The following RORA variants were observed in gnomAD, a reference collection of about 807,000 sequenced individuals.
RORA encodes RAR related orphan receptor A.
Under a neutral mutation model 69.5 loss-of-function variants are expected in RORA, and 7 were observed. The ratio of observed to expected loss-of-function variants is 0.10; its 90% CI spans 0.06 to 0.19. The LOEUF (loss-of-function observed/expected upper bound fraction) is 0.19. RORA is among the 10% of genes least tolerant of loss of function. The pLI, the probability that RORA is intolerant of heterozygous loss-of-function variation, is 1.00. For synonymous variants in RORA, 261 were observed against 240.8 expected (o/e 1.08, Z -0.78); for missense variants, 457 against 663.0 (o/e 0.69, Z 3.41).
At chr15:60,903,246 C>T (rs1254044137) in intron 1 of RORA, among the ~76,000 whole-genome samples, 1 of 152,136 alleles carries the variant, frequency 6.6e-6, no homozygotes, top group Non-Finnish European at 1.5e-5. Context: ...AGGAGAGAGG[C>T]TAATGGCACA....
At chr15:60,712,016 A>AT (rs1450326995) in intron 1 of RORA, among the ~76,000 whole-genome samples, 1 of 152,180 alleles carries the variant, frequency 6.6e-6, no homozygotes, top group Non-Finnish European at 1.5e-5. Context: ...TAATACACAG[A>AT]TTTTTTTAAA....
intron 1 of RORA, among the ~76,000 whole-genome samples, chr15:60,981,274 G>A (rs1566932683): frequency 6.6e-6 from 1 of 152,002 alleles, no homozygotes; most frequent in Non-Finnish European, 1.5e-5. Flanking sequence ...TGATTATGAT[G>A]TATCTCAGTG....
At chr15:60,951,542 G>C (rs568209509) in intron 1 of RORA, among the ~76,000 whole-genome samples, 58 of 150,598 alleles carry the variant, frequency 3.9e-4, no homozygotes, top group African/African-American at 1.4e-3. Flanking sequence ...TAGACCGCTA[G>C]CAAGACTAAT....
intron 1 of RORA, among the ~76,000 whole-genome samples, chr15:61,095,666 C>G (rs957281741): frequency 6.6e-6 from 1 of 152,186 alleles, no homozygotes; most frequent in African/African-American, 2.4e-5. Flanking sequence ...CAGCAGAACC[C>G]TTTGCTTAAG....
intron 1 of RORA, among the ~76,000 whole-genome samples, chr15:61,085,237 C>A (rs2078605250): frequency 6.6e-6 from 1 of 152,234 alleles, no homozygotes; most frequent in African/African-American, 2.4e-5. Context: ...AGTCGTCACT[C>A]TTTCTGAGGC....
chr15:60,801,661 C>T (rs1040916659), intron 1 of RORA, among the ~76,000 whole-genome samples: 8 of 152,164 alleles, frequency 5.3e-5, no homozygotes, highest in Non-Finnish European at 1.2e-4. Context: ...CCAGTGCAGC[C>T]GCCTGAAAGC....
chr15:60,649,209 G>A (rs936429776), intron 2 of RORA, among the ~76,000 whole-genome samples: 9 of 151,220 alleles, frequency 6.0e-5, no homozygotes, highest in African/African-American at 2.2e-4. Context: ...AAGGACTTAA[G>A]TGTCACTAAG....
intron 1 of RORA, among the ~76,000 whole-genome samples, chr15:60,915,118 C>T (rs1891834361): frequency 6.6e-6 from 1 of 152,174 alleles, no homozygotes; most frequent in Non-Finnish European, 1.5e-5. Flanking sequence ...ATTCTAAAAA[C>T]TCAGCTTTTT....
chr15:60,625,031 C>G (rs776476018), intron 2 of RORA, among the ~76,000 whole-genome samples: 1 of 152,174 alleles, frequency 6.6e-6, no homozygotes, highest in Non-Finnish European at 1.5e-5. Flanking sequence ...TGCCCAAGAA[C>G]TACTTTTCTT....
At chr15:60,881,215 C>A (rs367627019) in intron 1 of RORA, among the ~76,000 whole-genome samples, 2 of 152,248 alleles carry the variant, frequency 1.3e-5, no homozygotes, top group Non-Finnish European at 2.9e-5. Context: ...CCACACCACA[C>A]CCCTATGGCC....
intron 1 of RORA, among the ~76,000 whole-genome samples, chr15:61,181,017 T>G (rs1011660236): frequency 6.7e-6 from 1 of 150,084 alleles, no homozygotes; most frequent in African/African-American, 2.5e-5. Context: ...GGTAGGAGAA[T>G]CGTTTGAACC....
intron 1 of RORA, among the ~76,000 whole-genome samples, chr15:60,688,188 T>C (rs2070774162): frequency 6.6e-6 from 1 of 151,998 alleles, no homozygotes; most frequent in Non-Finnish European, 1.5e-5. Flanking sequence ...GAGACAATGA[T>C]GTTCCAGCTG....
intron 1 of RORA, among the ~76,000 whole-genome samples, chr15:60,771,888 T>C (rs1019838782): frequency 2.0e-5 from 3 of 152,212 alleles, no homozygotes; most frequent in African/African-American, 7.2e-5. Flanking sequence ...AGCACGGTGC[T>C]GCAGTGCATT....
intron 1 of RORA, among the ~76,000 whole-genome samples, chr15:61,083,067 A>G (rs1031958996): frequency 3.9e-5 from 6 of 152,172 alleles, no homozygotes; most frequent in African/African-American, 1.2e-4. Context: ...CTGAGACCAC[A>G]AAAGCGTCCC....
chr15:61,058,859 T>A (rs1210962107), intron 1 of RORA, among the ~76,000 whole-genome samples: 1 of 152,166 alleles, frequency 6.6e-6, no homozygotes, highest in Non-Finnish European at 1.5e-5. Context: ...GCCCAACGCC[T>A]AACACAAAAG....
At chr15:60,812,701 A>G (rs1489867285) in intron 1 of RORA, among the ~76,000 whole-genome samples, 2 of 152,208 alleles carry the variant, frequency 1.3e-5, no homozygotes, top group African/African-American at 4.8e-5. Context: ...CTCCTTGTCC[A>G]CTGTGATAGA....
At chr15:60,783,432 T>C (rs1567189493) in intron 1 of RORA, among the ~76,000 whole-genome samples, 1 of 152,218 alleles carries the variant, frequency 6.6e-6, no homozygotes, top group Non-Finnish European at 1.5e-5. Context: ...TATGTAAACA[T>C]TATGAAATGG....
chr15:60,844,211 T>C (rs1236649886), intron 1 of RORA, among the ~76,000 whole-genome samples: 3 of 152,168 alleles, frequency 2.0e-5, no homozygotes, highest in Non-Finnish European at 4.4e-5. Context: ...GTTAACATGT[T>C]TTCTCCTATG....
chr15:61,110,823 G>A (rs568952074), intron 1 of RORA, among the ~76,000 whole-genome samples: 45 of 152,248 alleles, frequency 3.0e-4, no homozygotes, highest in East Asian at 1.7e-3. Flanking sequence ...GCTCCTTGTC[G>A]TCCAACTGGA....
Sources: gnomAD v4.1 joint callset for allele counts (sites outside exome capture counted in the v4.1 genomes callset) on GRCh38, gnomAD v4.1.1 for gene constraint, MANE v1.5 for transcripts, NCBI Gene and HGNC (gene_info 2026-07-23, HGNC 2026-07-21) for gene names.